Variants in PRKCE observed in about 807,000 individuals in gnomAD.
The protein encoded by PRKCE is protein kinase C epsilon.
A neutral mutation model predicts 85.4 loss-of-function variants in PRKCE; 16 were observed. That is an observed-to-expected ratio of 0.19 (90% CI 0.13 to 0.28). The LOEUF is 0.28. Among genes scored for constraint, PRKCE ranks in the 10% least tolerant of loss-of-function variants. PRKCE has a pLI of 1.00. For synonymous variants in PRKCE, 388 were observed against 371.5 expected (o/e 1.04, Z -0.51); for missense variants, 573 against 975.2 (o/e 0.59, Z 5.49).
At chr2:45,823,798 C>G (rs1043084350) in intron 1 of PRKCE, among the ~76,000 whole-genome samples, 3 of 152,270 alleles carry the variant, frequency 2.0e-5, no homozygotes, top group Non-Finnish European at 2.9e-5. Context: ...TCCAGCTTTG[C>G]TGCTGGCAGC....
chr2:46,070,210 C>T (rs1258574765), intron 10 of PRKCE, among the ~76,000 whole-genome samples: 1 of 152,194 alleles, frequency 6.6e-6, no homozygotes, highest in Non-Finnish European at 1.5e-5. Context: ...TGTTCCTTCA[C>T]GAGGTAGCAG....
intron 10 of PRKCE, among the ~76,000 whole-genome samples, chr2:46,054,109 C>CT (rs1291622205): frequency 6.6e-6 from 1 of 152,180 alleles, no homozygotes; most frequent in African/African-American, 2.4e-5. Context: ...TTATTTTGTG[C>CT]TTTTTATATA....
In PRKCE at chr2:45,924,875, C is replaced by G. The variant is rs115068444; in HGVS notation, c.413-51554C>G. Among the ~76,000 whole-genome samples, 708 of 152,326 alleles carry G rather than the reference C, an allele frequency of 4.6e-3. 2 individuals are homozygous for G. The highest frequency in any genetic ancestry group is 0.01 in the Middle Eastern group (3 of 294). On this transcript the variant is annotated intron_variant, in intron 2 of 14. Transcript: ENST00000306156. ...GAAGGCATAGGTCAGTTACCAAAGC[C>G]AGGCCTGGGCTTGCAGGAAACAGCA...
chr2:45,755,290 G>C (rs1683909733), intron 1 of PRKCE, among the ~76,000 whole-genome samples: 1 of 152,138 alleles, frequency 6.6e-6, no homozygotes, highest in African/African-American at 2.4e-5. Context: ...TTGCTATTTG[G>C]TATACAGTGG....
chr2:46,071,099 T>C (rs932955986), intron 10 of PRKCE, among the ~76,000 whole-genome samples: 1 of 152,208 alleles, frequency 6.6e-6, no homozygotes, highest in Non-Finnish European at 1.5e-5. Context: ...CTCATGGCTT[T>C]CCTGCACCCA....
chr2:45,745,747 C>G (rs904063038), intron 1 of PRKCE, among the ~76,000 whole-genome samples: 3 of 152,094 alleles, frequency 2.0e-5, no homozygotes, highest in African/African-American at 7.2e-5. Flanking sequence ...TGTGGACCAG[C>G]CCCTGAGTGT....
chr2:45,804,570 T>C (rs535453851), intron 1 of PRKCE, among the ~76,000 whole-genome samples: 5 of 152,320 alleles, frequency 3.3e-5, no homozygotes, highest in African/African-American at 1.2e-4. Flanking sequence ...TGGGAAAATC[T>C]CTACAGGCTG....
intron 9 of PRKCE, among the ~76,000 whole-genome samples, chr2:46,008,448 T>C (rs1165326604): frequency 1.3e-4 from 20 of 152,214 alleles, no homozygotes; most frequent in Non-Finnish European, 2.9e-5. Context: ...AGATCTCTGA[T>C]TGTTCCCTGG....
At chr2:45,829,942 G>T (rs1012742451) in intron 1 of PRKCE, among the ~76,000 whole-genome samples, 2 of 151,406 alleles carry the variant, frequency 1.3e-5, no homozygotes, top group African/African-American at 2.4e-5. Context: ...GCGTGGTAGC[G>T]GGCGCCTGTA....
intron 6 of PRKCE, among the ~76,000 whole-genome samples, chr2:45,992,876 C>T (rs897835274): frequency 7.2e-6 from 1 of 138,352 alleles, no homozygotes; most frequent in Non-Finnish European, 1.5e-5. Context: ...CCCCAGACAA[C>T]ACTGCTGCTG....
intron 1 of PRKCE, among the ~76,000 whole-genome samples, chr2:45,794,850 C>CA (rs1029976359): frequency 1.3e-5 from 2 of 151,224 alleles, no homozygotes; most frequent in African/African-American, 4.9e-5. Context: ...GCCCTACCCC[C>CA]CCCCCCATCC....
chr2:45,968,082 C>G (rs1701851210), intron 2 of PRKCE, among the ~76,000 whole-genome samples: 1 of 152,190 alleles, frequency 6.6e-6, no homozygotes, highest in South Asian at 2.1e-4. Context: ...AAGTCTGGCC[C>G]AGGCAAGGTT....
At chr2:45,991,800 A>G (rs1703820715) in intron 6 of PRKCE, among the ~76,000 whole-genome samples, 1 of 152,226 alleles carries the variant, frequency 6.6e-6, no homozygotes, top group African/African-American at 2.4e-5. Context: ...TTTGCTTTAA[A>G]GTCAAGCCAT....
In PRKCE at chr2:46,155,569, C is replaced by T. The variant is rs1475375614; in HGVS notation, c.1921-4037C>T. ...GTTTCCAGTTCCCTACTCACTTTCTCCCTTCAGCTGGCCAGGGGTCCCTCA... is the reference window on the plus strand; with the variant it reads ...GTTTCCAGTTCCCTACTCACTTTCTTCCTTCAGCTGGCCAGGGGTCCCTCA... On this transcript the variant is annotated intron_variant, in intron 13 of 14. Transcript: ENST00000306156. This position sits in a 1 kb window ranked among gnomAD's most constrained non-coding sequence, Gnocchi z 4.7. Among the ~76,000 whole-genome samples the T allele has an allele frequency of 6.6e-6, 1 of 152,170 alleles. No individual in the cohort carries two copies. Among genetic ancestry groups the T allele is most frequent in the Admixed American group, 6.5e-5 (1 of 15,288 alleles).
chr2:45,885,424 C>T (rs745795191), intron 2 of PRKCE, among the ~76,000 whole-genome samples: 2 of 152,180 alleles, frequency 1.3e-5, no homozygotes, highest in Non-Finnish European at 2.9e-5. Context: ...TTTATATTCG[C>T]AGCCCATTCT....
intron 1 of PRKCE, among the ~76,000 whole-genome samples, chr2:45,669,420 C>A (rs569611530): frequency 9.5e-4 from 144 of 152,366 alleles, no homozygotes; most frequent in South Asian, 6.2e-3. Flanking sequence ...CTTCACAAGT[C>A]TCTCATGTGG....
chr2:45,728,391 A>T (rs1681264755), intron 1 of PRKCE, among the ~76,000 whole-genome samples: 1 of 152,274 alleles, frequency 6.6e-6, no homozygotes, highest in Non-Finnish European at 1.5e-5. Flanking sequence ...CCAGAGAACA[A>T]TCTAAGCAAT....
intron 1 of PRKCE, among the ~76,000 whole-genome samples, chr2:45,743,369 G>C (rs960206227): frequency 2.0e-5 from 3 of 152,068 alleles, no homozygotes; most frequent in Non-Finnish European, 4.4e-5. Flanking sequence ...TGTACACCTT[G>C]AATGTAAACA....
Position 46,145,513 on chromosome 2 carries a change from C to T in PRKCE, c.1731+282C>T, listed in dbSNP as rs1675983063. On this transcript the variant is annotated intron_variant, in intron 12 of 14. Coordinates refer to ENST00000306156, the MANE Select transcript of PRKCE (RefSeq NM_005400.3). This position sits in a 1 kb window ranked among gnomAD's most constrained non-coding sequence, Gnocchi z 4.6. ...ATCTCTTTCCCATCCTAGTCCAGAA[C>T]CACCAATAAATCTAGGACCAAGAAA... 6.6e-6 allele frequency among the ~76,000 whole-genome samples: 1 copy of T among 152,158 alleles called. No individual in the cohort carries two copies. The highest frequency in any genetic ancestry group is 2.4e-5 in the African/African-American group (1 of 41,438).
Sources: gnomAD v4.1 joint callset for allele counts (sites outside exome capture counted in the v4.1 genomes callset) on GRCh38, gnomAD v4.1.1 for gene constraint, Gnocchi (gnomAD v3.1) non-coding constraint, MANE v1.5 for transcripts, NCBI Gene and HGNC (gene_info 2026-07-23, HGNC 2026-07-21) for gene names.